Variants in NFX1 observed in about 807,000 individuals in gnomAD.
NFX1 encodes nuclear transcription factor, X-box binding 1.
Under a neutral mutation model 137.2 loss-of-function variants are expected in NFX1, and 69 were observed. That is an observed-to-expected ratio of 0.50 (90% CI 0.41 to 0.61). The LOEUF (loss-of-function observed/expected upper bound fraction) is 0.61. Ranked by LOEUF, NFX1 falls within the 20% of genes least tolerant of loss-of-function variation. The pLI is 0.00. For missense variants in NFX1, 1,167 were observed against 1,391.0 expected, an observed-to-expected ratio of 0.84 and a Z score of 2.56; for synonymous variants, 495 against 474.1, an observed-to-expected ratio of 1.04 and a Z score of -0.57.
chr9:33,348,742 A>G lies in NFX1; in HGVS notation c.2424+1625A>G, dbSNP rs1365540902. 6.1e-6 allele frequency: 6 copies of G among 984,110 alleles called. No individual in the cohort carries two copies. The African/African-American group carries it at 8.7e-5, about 14-fold the overall frequency. 61.0% of individuals were successfully genotyped at this position (984,110 alleles called of 1,614,324 possible). A position where few individuals can be genotyped will look rare whatever the true frequency, so the allele number is the denominator to read the frequency against. ...CCAATAAGAAATGCATATTTATTGT[A>G]CAGTTGAGAAGATTTAATTCTGCTA... On this transcript the variant is annotated intron_variant, in intron 15 of 23. Transcript: ENST00000379540.
chr9:33,354,566 ACTC>A (rs1345390065), intron 18 of NFX1, among the ~76,000 whole-genome samples: 1 of 151,966 alleles, frequency 6.6e-6, no homozygotes, highest in African/African-American at 2.4e-5. Flanking sequence ...CCACTGGAGG[ACTC>A]CTAGACCCCA....
intron 21 of NFX1, chr9:33,365,035 A>G: frequency 3.3e-6 from 4 of 1,212,136 alleles, no homozygotes; most frequent in Non-Finnish European, 3.1e-6. Flanking sequence ...GCACTTTGGG[A>G]GGCCAAGGCA....
intron 3 of NFX1, among the ~76,000 whole-genome samples, chr9:33,302,469 C>G (rs1821606220): frequency 6.7e-6 from 1 of 149,236 alleles, no homozygotes; most frequent in South Asian, 2.1e-4. Context: ...TCAAATGATC[C>G]TCCTGCCTCA....
In NFX1 at chr9:33,328,596, G is replaced by A. The variant is rs766793150; in HGVS notation, c.1922G>A (p.Cys641Tyr). The change falls in exon 10 of 24, where the codon TGT becomes TAT. Residue 641 changes from cysteine (C) to tyrosine (Y), a missense_variant. Cys to Tyr is a radical substitution (Grantham distance 194). This residue lies in a region of NFX1 where 488 missense variants were observed against 691.5 expected (regional missense o/e 0.71). Transcript: ENST00000379540. ...PCGSLDFIHT[C>Y]EKLCHEGDCG... ...TTTATTAAAGATTTCATTCATACCTGTGAAAAGCTCTGCCATGAAGGAGAC... is the reference window on the plus strand; with the variant it reads ...TTTATTAAAGATTTCATTCATACCTATGAAAAGCTCTGCCATGAAGGAGAC... 3.7e-6 allele frequency: 6 copies of A among 1,610,268 alleles called. No homozygotes were observed. Among genetic ancestry groups the A allele is most frequent in the Non-Finnish European group, 5.1e-6 (6 of 1,177,056 alleles).
At chr9:33,296,210 A>G (rs1318550324) in intron 2 of NFX1, among the ~76,000 whole-genome samples, 1 of 152,224 alleles carries the variant, frequency 6.6e-6, no homozygotes, top group African/African-American at 2.4e-5. Context: ...GGCGTGAGCC[A>G]CTGCGCCCTG....
At chr9:33,331,572 T>C (rs982991655) in intron 10 of NFX1, among the ~76,000 whole-genome samples, 39 of 152,212 alleles carry the variant, frequency 2.6e-4, no homozygotes, top group African/African-American at 9.2e-4. Context: ...AGAGAGCATA[T>C]AGGGAACTTT....
chr9:33,313,676 G>T lies in NFX1; in HGVS notation c.1471G>T (p.Ala491Ser), dbSNP rs1289437951. ...CAGGCACACAGTTCGCTGTGGTCAG[G>T]CTGTCTCAGTCCACTGTTCTAACCC... is the stretch of plus-strand genomic sequence containing the variant. Reference protein sequence around the residue: ...RTRHTVRCGQAVSVHCSNPCE... With the variant: ...RTRHTVRCGQSVSVHCSNPCE... The change falls in exon 7 of 24, where the codon GCT becomes TCT. Residue 491 changes from alanine to serine, a missense_variant. By Grantham distance (99) the Ala-to-Ser change is moderately conservative (BLOSUM62 1). Coordinates refer to ENST00000379540, the MANE Select transcript of NFX1 (RefSeq NM_002504.6). 4.3e-6 allele frequency: 7 copies of T among 1,613,992 alleles called. No individual in the cohort carries two copies. The highest frequency in any genetic ancestry group is 1.7e-5 in the Admixed American group (1 of 59,998).
At chr9:33,341,511 T>TA (rs1823220788) in intron 12 of NFX1, among the ~76,000 whole-genome samples, 1 of 152,274 alleles carries the variant, frequency 6.6e-6, no homozygotes, top group South Asian at 2.1e-4. Flanking sequence ...AGCAAGGTAG[T>TA]ACGTGTGTAT....
intron 20 of NFX1, among the ~76,000 whole-genome samples, chr9:33,364,321 G>C (rs1489956248): frequency 1.3e-5 from 2 of 152,174 alleles, no homozygotes; most frequent in African/African-American, 4.8e-5. Flanking sequence ...GTAGGGTTGA[G>C]ATAAGAGTTT....
chr9:33,321,303 A>G (rs1263096809), intron 9 of NFX1, among the ~76,000 whole-genome samples: 1 of 152,200 alleles, frequency 6.6e-6, no homozygotes, highest in Non-Finnish European at 1.5e-5. Context: ...AGCAGGTATC[A>G]TGGAAAACCT....
At chr9:33,344,541 G>T (rs1029147688) in intron 14 of NFX1, among the ~76,000 whole-genome samples, 12 of 152,128 alleles carry the variant, frequency 7.9e-5, no homozygotes, top group Non-Finnish European at 4.4e-5. Context: ...TGTTATAGAA[G>T]CAATATATAT....
rs747416001 is a variant in NFX1, at chr9:33,347,060, G to C, written c.2367G>C (p.Glu789Asp). Residue 789 changes from glutamate (E) to aspartate (D), a missense_variant, in exon 15 of 24, where the codon GAG becomes GAC. Glu to Asp is a conservative substitution (Grantham distance 45, BLOSUM62 2). Coordinates refer to ENST00000379540, the MANE Select transcript of NFX1 (RefSeq NM_002504.6). The stretch of plus-strand genomic sequence containing the variant: ...CAGTATATCATTCTTGTCATAGTGA[G>C]GAGAAGTGTCCCCCTTGCACTTTCC... ...DHPVYHSCHS[E>D]EKCPPCTFLT... 1 of 1,613,446 alleles carries C rather than the reference G, an allele frequency of 6.2e-7. No individual in the cohort carries two copies. The highest frequency in any genetic ancestry group is 8.5e-7 in the Non-Finnish European group (1 of 1,179,458).
At position 33,339,007 on chromosome 9, in the gene NFX1, T is replaced by A. The variant is rs1013476869; in HGVS notation, c.2115+418T>A. Among the ~76,000 whole-genome samples the A allele has an allele frequency of 6.6e-5, 10 of 152,296 alleles. No homozygotes were observed. In the East Asian group the frequency reaches 1.2e-3, roughly 18 times the overall value. On this transcript the variant is annotated intron_variant, in intron 12 of 23. Coordinates refer to ENST00000379540, the MANE Select transcript of NFX1 (RefSeq NM_002504.6). The stretch of plus-strand genomic sequence containing the variant: ...TAGGAAAAATTATTAGGACATTTTT[T>A]AAAAAGATTTTTTAAAATAAAATAT...
chr9:33,294,693 G>A lies in NFX1; in HGVS notation c.299G>A (p.Gly100Asp), dbSNP rs776602469. ...SPCNKSPKSHGLQNQPWQKLR... is the reference protein window; with the variant it reads ...SPCNKSPKSHDLQNQPWQKLR... ...TGTAATAAATCGCCCAAGAGCCATGGCCTTCAGAATCAACCTTGGCAGAAA... is the reference window on the plus strand; with the variant it reads ...TGTAATAAATCGCCCAAGAGCCATGACCTTCAGAATCAACCTTGGCAGAAA... The change falls in exon 2 of 24, where the codon GGC becomes GAC. Residue 100 changes from glycine to aspartate, a missense_variant. This residue lies in a region of NFX1 where 367 missense variants were observed against 386.7 expected (regional missense o/e 0.95). Coordinates refer to ENST00000379540, the MANE Select transcript of NFX1 (RefSeq NM_002504.6). 3.1e-6 allele frequency: 5 copies of A among 1,614,130 alleles called. No homozygotes were observed. The highest frequency in any genetic ancestry group is 4.2e-6 in the Non-Finnish European group (5 of 1,180,032).
Position 33,318,922 on chromosome 9 carries a change from C to T in NFX1, c.1701C>T (p.Cys567=), listed in dbSNP as rs138868845. 22 of 1,614,088 alleles carry T rather than the reference C, an allele frequency of 1.4e-5. No individual in the cohort carries two copies. Among genetic ancestry groups the T allele is most frequent in the African/African-American group, 6.7e-5 (5 of 74,928 alleles). The change falls in exon 9 of 24, where the codon TGC becomes TGT. Residue 567 remains cysteine (C), a synonymous_variant. Coordinates refer to ENST00000379540, the MANE Select transcript of NFX1 (RefSeq NM_002504.6). ...CLKICGKDLK[C]GNHTCSQVCH... is the part of the protein sequence containing the mutation. ...GTTTTCTTAACAGGGACTTGAAATG[C>T]GGTAACCATACATGTTCGCAAGTGT...
At chr9:33,324,960 C>T (rs1293986947) in intron 9 of NFX1, among the ~76,000 whole-genome samples, 1 of 150,806 alleles carries the variant, frequency 6.6e-6, no homozygotes, top group Admixed American at 6.6e-5. Flanking sequence ...GATTATATAA[C>T]CCAACGGACA....
intron 19 of NFX1, among the ~76,000 whole-genome samples, chr9:33,356,071 A>G (rs1823800853): frequency 6.6e-6 from 1 of 152,252 alleles, no homozygotes; most frequent in Non-Finnish European, 1.5e-5. Flanking sequence ...CCATGTCCAA[A>G]GTGATTGTAC....
intron 4 of NFX1, among the ~76,000 whole-genome samples, chr9:33,306,135 C>T (rs1161936278): frequency 2.0e-5 from 3 of 152,096 alleles, no homozygotes; most frequent in East Asian, 3.9e-4. Context: ...AGGTTTTGGC[C>T]AGTTAGAGAG....
At chr9:33,292,046 G>T (rs1821181651) in intron 1 of NFX1, among the ~76,000 whole-genome samples, 1 of 152,148 alleles carries the variant, frequency 6.6e-6, no homozygotes, top group Non-Finnish European at 1.5e-5. Context: ...CTCTAAACTG[G>T]ATCTATTGAT....
Sources: gnomAD v4.1 joint callset for allele counts (sites outside exome capture counted in the v4.1 genomes callset) on GRCh38, gnomAD v4.1.1 for gene constraint, gnomAD v4.1.1 regional missense constraint, MANE v1.5 for transcripts, NCBI Gene and HGNC (gene_info 2026-07-23, HGNC 2026-07-21) for gene names.